The following ASIC2 variants were observed in gnomAD, a reference collection of about 807,000 sequenced individuals.
The protein encoded by ASIC2 is acid-sensing ion channel 2.
In ASIC2, 25 loss-of-function variants were observed where a neutral mutation model predicts 57.3. The observed-to-expected ratio is 0.44, with a 90% confidence interval of 0.32 to 0.61. The LOEUF (loss-of-function observed/expected upper bound fraction) is 0.61, where lower values mean the gene tolerates loss of function less well. Ranked by LOEUF, ASIC2 falls within the 20% of genes least tolerant of loss-of-function variation. The pLI, the probability that ASIC2 is intolerant of heterozygous loss-of-function variation, is 0.06. For synonymous variants in ASIC2, 319 were observed against 307.5 expected (o/e 1.04, Z -0.39); for missense variants, 641 against 738.1 (o/e 0.87, Z 1.52).
At chr17:33,819,382 T>G (rs1159248990) in intron 1 of ASIC2, among the ~76,000 whole-genome samples, 3 of 152,188 alleles carry the variant, frequency 2.0e-5, no homozygotes, top group East Asian at 3.8e-4. Context: ...AGATACTTGG[T>G]GCAGCATGAA....
intron 1 of ASIC2, among the ~76,000 whole-genome samples, chr17:33,697,180 G>A (rs1025090448): frequency 2.0e-5 from 3 of 152,162 alleles, no homozygotes; most frequent in African/African-American, 7.2e-5. Flanking sequence ...CTGAGCAGAT[G>A]CCAGCATCAC....
At chr17:33,196,405 C>A (rs1034900626) in intron 1 of ASIC2, among the ~76,000 whole-genome samples, 1 of 152,172 alleles carries the variant, frequency 6.6e-6, no homozygotes, top group African/African-American at 2.4e-5. Flanking sequence ...CCTCCTTCGG[C>A]CACCAAGAAG....
Position 34,156,386 on chromosome 17 carries a change from G to A in ASIC2, c.147C>T (p.Phe49=), listed in dbSNP as rs778759008. 5 of 1,614,214 alleles carry A rather than the reference G, an allele frequency of 3.1e-6. No homozygotes were observed. Among genetic ancestry groups the A allele is most frequent in the South Asian group, 1.1e-5 (1 of 91,088 alleles). ...CCAGCAGCAGGCCCAGAGAGCCCACGAAGGCCACTGCCCACAGCACACGCC... is the reference window on the plus strand; with the variant it reads ...CCAGCAGCAGGCCCAGAGAGCCCACAAAGGCCACTGCCCACAGCACACGCC... The change falls in exon 1 of 10, where the codon TTC becomes TTT. Residue 49 remains phenylalanine, a synonymous_variant. Transcript: ENST00000359872. The surrounding 1 kb of genome is among the most constrained non-coding windows in gnomAD (Gnocchi z 4.4).
intron 1 of ASIC2, among the ~76,000 whole-genome samples, chr17:33,499,558 C>T (rs1914040259): frequency 6.6e-6 from 1 of 152,206 alleles, no homozygotes; most frequent in Non-Finnish European, 1.5e-5. Context: ...ACTGCCAACA[C>T]CTTGATCTTG....
chr17:33,704,599 T>C (rs1328885423), intron 1 of ASIC2, among the ~76,000 whole-genome samples: 1 of 152,216 alleles, frequency 6.6e-6, no homozygotes, highest in Non-Finnish European at 1.5e-5. Context: ...TTAAATTCTT[T>C]TAAACTAACA....
At chr17:33,833,056 A>T (rs1038358087) in intron 1 of ASIC2, among the ~76,000 whole-genome samples, 1 of 152,228 alleles carries the variant, frequency 6.6e-6, no homozygotes, top group Non-Finnish European at 1.5e-5. Context: ...GTTTGAAACA[A>T]TGAGAGTTAT....
At chr17:34,024,448 C>T (rs965833523) in intron 1 of ASIC2, among the ~76,000 whole-genome samples, 4 of 152,334 alleles carry the variant, frequency 2.6e-5, no homozygotes, top group Non-Finnish European at 5.9e-5. Context: ...TGGGCGGTGG[C>T]CCCAGGGGAA....
At chr17:33,169,392 A>C (rs114607681) in intron 1 of ASIC2, among the ~76,000 whole-genome samples, 2,872 of 152,306 alleles carry the variant, frequency 0.019, 92 homozygotes, top group African/African-American at 0.062. Flanking sequence ...AAAATGGGGA[A>C]AGGCACTACC....
chr17:33,316,075 T>G (rs1216190859), intron 1 of ASIC2, among the ~76,000 whole-genome samples: 1 of 152,226 alleles, frequency 6.6e-6, no homozygotes, highest in Non-Finnish European at 1.5e-5. Context: ...CTTAATAAGT[T>G]GGATCAATTT....
At chr17:33,583,362 C>A (rs778814512) in intron 1 of ASIC2, among the ~76,000 whole-genome samples, 8 of 152,138 alleles carry the variant, frequency 5.3e-5, no homozygotes, top group Non-Finnish European at 1.0e-4. Flanking sequence ...ATAAATGGCC[C>A]CATTACTTAC....
At chr17:34,016,740 A>G (rs1266612246) in intron 1 of ASIC2, among the ~76,000 whole-genome samples, 1 of 152,212 alleles carries the variant, frequency 6.6e-6, no homozygotes, top group Non-Finnish European at 1.5e-5. Context: ...CTAGGTGTGG[A>G]AGATGACTTT....
chr17:33,424,751 C>T (rs1438326125), intron 1 of ASIC2, among the ~76,000 whole-genome samples: 2 of 152,140 alleles, frequency 1.3e-5, no homozygotes, highest in Non-Finnish European at 2.9e-5. Flanking sequence ...AATCCCTGCC[C>T]TTACTAGCCC....
At chr17:33,402,289 T>C (rs534123636) in intron 1 of ASIC2, among the ~76,000 whole-genome samples, 1 of 152,294 alleles carries the variant, frequency 6.6e-6, no homozygotes, top group Admixed American at 6.5e-5. Context: ...GTTTATTTTA[T>C]TTTATTTTTT....
At chr17:33,449,275 C>T (rs1057147556) in intron 1 of ASIC2, among the ~76,000 whole-genome samples, 1 of 151,718 alleles carries the variant, frequency 6.6e-6, no homozygotes, top group South Asian at 2.1e-4. Context: ...CCAGCTGCTT[C>T]CTTCCTCCCC....
At chr17:33,886,868 C>T (rs1011796300) in intron 1 of ASIC2, among the ~76,000 whole-genome samples, 6 of 152,236 alleles carry the variant, frequency 3.9e-5, no homozygotes, top group Admixed American at 1.3e-4. Flanking sequence ...TGCATTTGAA[C>T]AACACCCTCA....
chr17:33,992,257 T>C (rs1458855791), intron 1 of ASIC2, among the ~76,000 whole-genome samples: 1 of 152,244 alleles, frequency 6.6e-6, no homozygotes, highest in East Asian at 1.9e-4. Flanking sequence ...GGCAGAATTA[T>C]ATCTTCTCAG....
chr17:33,965,042 C>T (rs575385877), intron 1 of ASIC2, among the ~76,000 whole-genome samples: 1 of 152,322 alleles, frequency 6.6e-6, no homozygotes, highest in South Asian at 2.1e-4. Context: ...ATCCCACTTT[C>T]CATACTCCTT....
intron 1 of ASIC2, among the ~76,000 whole-genome samples, chr17:33,333,278 T>C (rs1907388258): frequency 1.3e-5 from 2 of 152,324 alleles, no homozygotes; most frequent in East Asian, 1.9e-4. Context: ...ATCTGAAATA[T>C]GGAGGAAGTT....
At chr17:33,553,364 C>T (rs1408819473) in intron 1 of ASIC2, among the ~76,000 whole-genome samples, 1 of 140,628 alleles carries the variant, frequency 7.1e-6, no homozygotes, top group Non-Finnish European at 1.5e-5. Flanking sequence ...TCCAGAGACC[C>T]CAAGACAACA....
Sources: allele counts gnomAD v4.1 joint callset (sites outside exome capture counted in the v4.1 genomes callset), GRCh38; gene constraint gnomAD v4.1.1; non-coding constraint Gnocchi (gnomAD v3.1); transcripts MANE v1.5; gene names NCBI Gene and HGNC (gene_info 2026-07-23, HGNC 2026-07-21).